Variants in ACTN1 observed in about 807,000 individuals in gnomAD.
ACTN1 encodes the protein alpha-actinin-1.
Under a neutral mutation model 119.6 loss-of-function variants are expected in ACTN1, and 30 were observed. That is an observed-to-expected ratio of 0.25 (90% CI 0.19 to 0.34). The LOEUF is 0.34. Among genes scored for constraint, ACTN1 ranks in the 10% least tolerant of loss-of-function variants. The pLI is 1.00. For synonymous variants in ACTN1, 429 were observed against 472.6 expected, an observed-to-expected ratio of 0.91 and a Z score of 1.20; for missense variants, 764 against 1,223.4, an observed-to-expected ratio of 0.62 and a Z score of 5.60.
intron 11 of ACTN1, among the ~76,000 whole-genome samples, chr14:68,888,925 G>T (rs569198713): frequency 6.6e-6 from 1 of 152,152 alleles, no homozygotes; most frequent in Admixed American, 6.5e-5. Flanking sequence ...GCTGGGGACC[G>T]CTGCCCTACA....
Position 68,884,363 on chromosome 14 carries a change from C to G in ACTN1, c.1495-55G>C. 1.9e-6 allele frequency: 3 copies of G among 1,559,916 alleles called. No individual in the cohort carries two copies. The South Asian group carries it at 3.6e-5, about 19-fold the overall frequency. On this transcript the variant is annotated intron_variant, in intron 13 of 21. Transcript: ENST00000394419. ...TACAGTGATGTCCAGAATCATCCCC[C>G]ACTCCTATCAAGATCCTCCTGGTGA...
intron 1 of ACTN1, among the ~76,000 whole-genome samples, chr14:68,931,261 T>A (rs1369181821): frequency 6.6e-6 from 1 of 151,618 alleles, no homozygotes; most frequent in Non-Finnish European, 1.5e-5. Flanking sequence ...GCACAGAGAG[T>A]CTGAGTTGAT....
rs983769483 is a variant in ACTN1 at position 68,885,627 on chromosome 14, G to A, written c.1235-52C>T. The A allele has an allele frequency of 6.3e-7, 1 of 1,586,684 alleles. No homozygotes were observed. Among genetic ancestry groups the A allele is most frequent in the Admixed American group, 1.7e-5 (1 of 58,912 alleles). On this transcript the variant is annotated intron_variant, in intron 11 of 21. Transcript: ENST00000394419. This position sits in a 1 kb window ranked among gnomAD's most constrained non-coding sequence, Gnocchi z 5.6. ...GAGCTGGAGTGAGAAGCATCTCCTT[G>A]GTCCCAACCGCCCACCCCTCAGGGC...
chr14:68,901,223 T>TG (rs1473413485), intron 8 of ACTN1, among the ~76,000 whole-genome samples: 18 of 147,296 alleles, frequency 1.2e-4, no homozygotes, highest in Admixed American at 2.7e-4. Flanking sequence ...TTTTGTTTTT[T>TG]TTTTGTTTTG....
intron 1 of ACTN1, among the ~76,000 whole-genome samples, chr14:68,938,935 T>A (rs932097757): frequency 6.6e-6 from 1 of 152,168 alleles, no homozygotes; most frequent in Non-Finnish European, 1.5e-5. Context: ...CTGCATTTCC[T>A]GGTTTACACC....
intron 1 of ACTN1, among the ~76,000 whole-genome samples, chr14:68,959,049 G>A (rs532229962): frequency 5.3e-5 from 8 of 152,240 alleles, no homozygotes; most frequent in East Asian, 3.9e-4. Context: ...GGCAAAACCC[G>A]CGATTACTTT....
In ACTN1 at chr14:68,925,408, C is replaced by T. The variant is rs945933656; in HGVS notation, c.220+150G>A. ...GATGGCTGGCAGCAGAACCAGAACT[C>T]AGACCCACGCTCCTAGGATGAATTC... On this transcript the variant is annotated intron_variant, in intron 2 of 21. Coordinates refer to ENST00000394419, the MANE Select transcript of ACTN1 (RefSeq NM_001130004.2). The surrounding 1 kb of genome is among the most constrained non-coding windows in gnomAD (Gnocchi z 4.3). The T allele has an allele frequency of 2.7e-6, 1 of 367,046 alleles. No homozygotes were observed. The highest frequency in any genetic ancestry group is 4.8e-6 in the Non-Finnish European group (1 of 210,494). The allele number at this position is 367,046 out of a possible 1,614,324, so 22.7% of individuals were successfully genotyped here. A position where few individuals can be genotyped will look rare whatever the true frequency, so the allele number is the denominator to read the frequency against.
At chr14:68,929,386 A>G (rs11158777) in intron 1 of ACTN1, among the ~76,000 whole-genome samples, 104,040 of 151,826 alleles carry the variant, frequency 0.69, 36,382 homozygotes, top group East Asian at 0.99. Flanking sequence ...CTGGACGCCC[A>G]GCGTGGTGGG....
At chr14:68,892,657 T>C (rs2032582816) in intron 9 of ACTN1, among the ~76,000 whole-genome samples, 1 of 152,054 alleles carries the variant, frequency 6.6e-6, no homozygotes, top group African/African-American at 2.4e-5. Context: ...ATCTATACCA[T>C]GGAGGGGGTT....
intron 8 of ACTN1, among the ~76,000 whole-genome samples, chr14:68,899,767 G>A (rs900034280): frequency 6.6e-6 from 1 of 152,218 alleles, no homozygotes; most frequent in East Asian, 1.9e-4. Flanking sequence ...GACCCCTGAA[G>A]GAGAAGGGGA....
In ACTN1 at chr14:68,925,708, CT is replaced by C; in HGVS notation, c.106-37del. On this transcript the variant is annotated intron_variant, in intron 1 of 21. Transcript: ENST00000394419. This position sits in a 1 kb window ranked among gnomAD's most constrained non-coding sequence, Gnocchi z 4.3. ...ACAAGAAGGGCAAGTGGTCAGGGGG[CT>C]GGTGTTGTCACCCTCATTGGACAAG... The C allele has an allele frequency of 6.4e-7, 1 of 1,557,458 alleles. No individual in the cohort carries two copies. The highest frequency in any genetic ancestry group is 1.1e-5 in the South Asian group (1 of 87,754).
At chr14:68,905,982 CAAA>C (rs755762604) in intron 6 of ACTN1, among the ~76,000 whole-genome samples, 2 of 96,072 alleles carry the variant, frequency 2.1e-5, no homozygotes, top group Admixed American at 1.2e-4. Flanking sequence ...GACCTCGTCT[CAAA>C]AAAAAAAAAA....
intron 1 of ACTN1, among the ~76,000 whole-genome samples, chr14:68,961,970 C>T (rs2036555758): frequency 6.6e-6 from 1 of 152,194 alleles, no homozygotes. Flanking sequence ...TGAAAGCTTG[C>T]CCTCGGCACC....
chr14:68,923,157 G>C (rs1029284202), intron 2 of ACTN1, among the ~76,000 whole-genome samples: 2 of 152,148 alleles, frequency 1.3e-5, no homozygotes, highest in Admixed American at 6.5e-5. Context: ...TAATGTTCCC[G>C]GAGCACCGCC....
intron 4 of ACTN1, among the ~76,000 whole-genome samples, chr14:68,911,933 G>T (rs946728494): frequency 3.3e-5 from 5 of 152,228 alleles, no homozygotes; most frequent in Non-Finnish European, 5.9e-5. Context: ...TTCCCAAAGT[G>T]GGGAGTTTCC....
At chr14:68,904,523 G>A (rs2033546164) in intron 7 of ACTN1, 132 bp downstream of exon 7, 2 of 683,532 alleles carry the variant, frequency 2.9e-6, no homozygotes, top group Non-Finnish European at 5.1e-6. Context: ...TGATCCCCAT[G>A]CTCCTCAAAT....
intron 1 of ACTN1, among the ~76,000 whole-genome samples, chr14:68,961,180 A>G (rs975621331): frequency 5.9e-5 from 9 of 152,214 alleles, no homozygotes; most frequent in African/African-American, 9.6e-5. Flanking sequence ...TTTATGAAAC[A>G]ATCTCTATAC....
chr14:68,940,354 A>T (rs1226041658), intron 1 of ACTN1, among the ~76,000 whole-genome samples: 1 of 152,102 alleles, frequency 6.6e-6, no homozygotes, highest in Non-Finnish European at 1.5e-5. Context: ...CTACTCATAC[A>T]ATATGGGAAC....
chr14:68,963,661 C>T (rs2036610995), intron 1 of ACTN1, among the ~76,000 whole-genome samples: 1 of 152,230 alleles, frequency 6.6e-6, no homozygotes, highest in Admixed American at 6.5e-5. Flanking sequence ...CCGGTGAGCA[C>T]CTGCAACTTG....
Sources: gnomAD v4.1 joint callset for allele counts (sites outside exome capture counted in the v4.1 genomes callset) on GRCh38, gnomAD v4.1.1 for gene constraint, Gnocchi (gnomAD v3.1) non-coding constraint, MANE v1.5 for transcripts, NCBI Gene and HGNC (gene_info 2026-07-23, HGNC 2026-07-21) for gene names.